ARHGAP29: variants seen among roughly 807,000 people sequenced by gnomAD.
ARHGAP29 encodes Rho GTPase activating protein 29.
In ARHGAP29, 43 loss-of-function variants were observed where a neutral mutation model predicts 122.6. The ratio of observed to expected loss-of-function variants is 0.35; its 90% CI spans 0.27 to 0.45. ARHGAP29 has a LOEUF of 0.45. ARHGAP29 is among the 20% of genes least tolerant of loss of function. The pLI is 1.00. For missense variants in ARHGAP29, 1,303 were observed against 1,477.2 expected (o/e 0.88, Z 1.93); for synonymous variants, 506 against 497.1 (o/e 1.02, Z -0.24).
At chr1:94,306,459 A>T in the ARHGAP29 span, among the ~76,000 whole-genome samples, 62 of 152,358 alleles carry the variant, frequency 4.1e-4, 1 homozygote, top group Non-Finnish European at 7.5e-4. Flanking sequence ...AATTTGAAAC[A>T]TTAGCAGACT....
At chr1:94,222,003 C>T (rs972021129) in intron 2 of ARHGAP29, among the ~76,000 whole-genome samples, 2 of 145,868 alleles carry the variant, frequency 1.4e-5, no homozygotes, top group African/African-American at 2.5e-5. Flanking sequence ...AAACAAACAA[C>T]AAAAAACACC....
intron 12 of ARHGAP29, chr1:94,195,033 T>C (rs1650366309): frequency 6.6e-6 from 1 of 152,128 alleles, no homozygotes; most frequent in Admixed American, 6.5e-5. Context: ...TTCTAAATGA[T>C]AATTAGAGGG....
At chr1:94,184,832 G>T in intron 18 of ARHGAP29, 40 bp downstream of exon 18, 1 of 1,444,536 alleles carries the variant, frequency 6.9e-7, no homozygotes. Flanking sequence ...AGGTTACACA[G>T]GCATTTATGC....
intron 1 of ARHGAP29, among the ~76,000 whole-genome samples, chr1:94,260,391 C>A (rs2100713187): frequency 6.6e-6 from 1 of 152,276 alleles, no homozygotes; most frequent in African/African-American, 2.4e-5. Context: ...CTTACACTTT[C>A]AATTTTGGAA....
chr1:94,296,029 G>T, the ARHGAP29 span, among the ~76,000 whole-genome samples: 1 of 152,076 alleles, frequency 6.6e-6, no homozygotes, highest in African/African-American at 2.4e-5. Flanking sequence ...GAAGGCAGAG[G>T]AATAAATATA....
chr1:94,225,669 A>G (rs1298762446), intron 2 of ARHGAP29, among the ~76,000 whole-genome samples: 3 of 152,088 alleles, frequency 2.0e-5, no homozygotes, highest in Non-Finnish European at 4.4e-5. Context: ...AAAAATTTCT[A>G]TATCTCTCAA....
At chr1:94,295,476 C>T in the ARHGAP29 span, among the ~76,000 whole-genome samples, 3 of 151,632 alleles carry the variant, frequency 2.0e-5, no homozygotes, top group Non-Finnish European at 4.4e-5. Context: ...AGACATTGTA[C>T]AATTTAAATT....
intron 1 of ARHGAP29, among the ~76,000 whole-genome samples, chr1:94,255,644 G>A (rs1296560517): frequency 1.3e-5 from 2 of 152,132 alleles, no homozygotes; most frequent in Non-Finnish European, 2.9e-5. Flanking sequence ...CCTACTCTGG[G>A]GTGTGGCCCA....
intron 1 of ARHGAP29, among the ~76,000 whole-genome samples, chr1:94,265,923 C>T (rs1037718782): frequency 2.0e-5 from 3 of 152,168 alleles, no homozygotes; most frequent in Non-Finnish European, 2.9e-5. Flanking sequence ...GTCCAAAAAT[C>T]CATGAGTGTC....
the ARHGAP29 span, among the ~76,000 whole-genome samples, chr1:94,292,766 C>T: frequency 2.6e-5 from 4 of 152,178 alleles, no homozygotes; most frequent in East Asian, 5.8e-4. Flanking sequence ...ACCGTGTTTG[C>T]CTGGGTATCA....
At chr1:94,239,867 A>G (rs974564886), upstream of ARHGAP29, among the ~76,000 whole-genome samples, 1 of 152,158 alleles carries the variant, frequency 6.6e-6, no homozygotes, top group Admixed American at 6.5e-5. Flanking sequence ...TTTTTCCATT[A>G]CACCTCAAAC....
chr1:94,305,595 T>G, the ARHGAP29 span, among the ~76,000 whole-genome samples: 1 of 152,196 alleles, frequency 6.6e-6, no homozygotes, highest in Non-Finnish European at 1.5e-5. Flanking sequence ...ATTAGGCTTT[T>G]GTAATGGACC....
the ARHGAP29 span, among the ~76,000 whole-genome samples, chr1:94,284,347 C>T: frequency 9.2e-3 from 1,397 of 152,242 alleles, 5 homozygotes; most frequent in Admixed American, 0.017. Flanking sequence ...GCATCCTTAC[C>T]TCAGTCTTCA....
At chr1:94,238,707 A>AC (rs1208797947), upstream of ARHGAP29, among the ~76,000 whole-genome samples, 1 of 152,152 alleles carries the variant, frequency 6.6e-6, no homozygotes, top group Non-Finnish European at 1.5e-5. Flanking sequence ...AGGGAAGAAA[A>AC]CCAAGGAAGG....
chr1:94,249,187 G>A (rs532160865), intron 1 of ARHGAP29, among the ~76,000 whole-genome samples: 1 of 152,262 alleles, frequency 6.6e-6, no homozygotes, highest in African/African-American at 2.4e-5. Context: ...AAGCCAACTA[G>A]GTTTTTTACC....
chr1:94,310,985 A>G, the ARHGAP29 span, among the ~76,000 whole-genome samples: 1 of 152,140 alleles, frequency 6.6e-6, no homozygotes, highest in African/African-American at 2.4e-5. Flanking sequence ...CTCCTGCCAG[A>G]TGGAATAACA....
intron 5 of ARHGAP29, among the ~76,000 whole-genome samples, chr1:94,207,878 T>A (rs1373803228): frequency 6.6e-6 from 1 of 151,650 alleles, no homozygotes; most frequent in East Asian, 1.9e-4. Flanking sequence ...AGAGACAGAG[T>A]CGCACTGGCT....
chr1:94,200,653 A>G (rs1650784190), intron 12 of ARHGAP29, among the ~76,000 whole-genome samples: 1 of 152,232 alleles, frequency 6.6e-6, no homozygotes, highest in Non-Finnish European at 1.5e-5. Context: ...ATGTCCAACT[A>G]GTGAATGGAT....
chr1:94,274,359 T>C (rs1655107628), intron 1 of ARHGAP29, among the ~76,000 whole-genome samples: 1 of 152,204 alleles, frequency 6.6e-6, no homozygotes, highest in Non-Finnish European at 1.5e-5. Context: ...CTAATCACTG[T>C]GAATGTTTCT....
Sources: allele counts gnomAD v4.1 joint callset (sites outside exome capture counted in the v4.1 genomes callset), GRCh38; gene constraint gnomAD v4.1.1; transcripts MANE v1.5; gene names NCBI Gene and HGNC (gene_info 2026-07-23, HGNC 2026-07-21).